The following ALK variants were observed in gnomAD, a reference collection of about 807,000 sequenced individuals.
The protein encoded by ALK is ALK receptor tyrosine kinase.
ALK carries 74 observed loss-of-function variants against 163.1 expected under a neutral mutation model. The ratio of observed to expected loss-of-function variants is 0.45; its 90% CI spans 0.38 to 0.55. The LOEUF is 0.55. ALK is among the 20% of genes least tolerant of loss of function. ALK has a pLI of 0.00. For missense variants in ALK, 2,063 were observed against 2,105.3 expected, an observed-to-expected ratio of 0.98 and a Z score of 0.39; for synonymous variants, 960 against 843.2, an observed-to-expected ratio of 1.14 and a Z score of -2.40.
intron 3 of ALK, among the ~76,000 whole-genome samples, chr2:29,634,836 GAATA>G (rs1676477105): frequency 1.3e-5 from 2 of 152,008 alleles, no homozygotes; most frequent in African/African-American, 4.8e-5. Flanking sequence ...TATCAGAAAG[GAATA>G]AATAAAACTG....
intron 4 of ALK, among the ~76,000 whole-genome samples, chr2:29,517,072 C>T (rs1441188293): frequency 6.6e-6 from 1 of 152,192 alleles, no homozygotes; most frequent in African/African-American, 2.4e-5. Context: ...CTCTTTTGGA[C>T]TTTGGGGACC....
At chr2:29,388,560 C>T (rs148761301) in intron 4 of ALK, among the ~76,000 whole-genome samples, 5 of 152,330 alleles carry the variant, frequency 3.3e-5, no homozygotes, top group Non-Finnish European at 5.9e-5. Flanking sequence ...TCCAGTTTCC[C>T]TATTTTTAAG....
At chr2:29,226,071 T>A (rs1663976314) in intron 18 of ALK, among the ~76,000 whole-genome samples, 1 of 151,912 alleles carries the variant, frequency 6.6e-6, no homozygotes, top group Non-Finnish European at 1.5e-5. Context: ...GGGACATCGA[T>A]AGTGGAACAC....
At chr2:29,666,490 C>A (rs959064848) in intron 3 of ALK, among the ~76,000 whole-genome samples, 4 of 152,034 alleles carry the variant, frequency 2.6e-5, no homozygotes, top group African/African-American at 9.7e-5. Context: ...CATTCTAGAC[C>A]AGTACTCATT....
intron 3 of ALK, among the ~76,000 whole-genome samples, chr2:29,652,808 G>C (rs1430873191): frequency 1.3e-5 from 2 of 152,154 alleles, no homozygotes; most frequent in African/African-American, 4.8e-5. Context: ...CACACCCAGA[G>C]AGGGCATGGG....
intron 1 of ALK, among the ~76,000 whole-genome samples, chr2:29,871,746 A>C (rs915831665): frequency 5.3e-5 from 8 of 152,216 alleles, no homozygotes; most frequent in African/African-American, 1.9e-4. Flanking sequence ...TTTATTTTAC[A>C]TAGGAGAAAA....
chr2:29,336,321 C>A (rs1394882702), intron 5 of ALK, among the ~76,000 whole-genome samples: 3 of 152,162 alleles, frequency 2.0e-5, no homozygotes, highest in African/African-American at 7.2e-5. Context: ...TTAATGCTGG[C>A]TGTTGTTAAT....
chr2:29,539,636 T>C (rs1320712728), intron 3 of ALK, among the ~76,000 whole-genome samples: 1 of 136,224 alleles, frequency 7.3e-6, no homozygotes, highest in Non-Finnish European at 1.6e-5. Flanking sequence ...TTCGACTAGG[T>C]AAAAAAAGTT....
intron 4 of ALK, among the ~76,000 whole-genome samples, chr2:29,394,746 C>A (rs1669263324): frequency 6.6e-6 from 1 of 152,166 alleles, no homozygotes; most frequent in Admixed American, 6.5e-5. Context: ...GGCACATCAC[C>A]CACCAGCAGC....
At chr2:29,906,134 G>A (rs368591537) in intron 1 of ALK, among the ~76,000 whole-genome samples, 12 of 150,038 alleles carry the variant, frequency 8.0e-5, no homozygotes, top group Non-Finnish European at 1.6e-4. Context: ...AGGGCGTGTG[G>A]GGCAGGGGGG....
In ALK at chr2:29,717,582, T is replaced by A. The variant is rs777698508; in HGVS notation, c.783A>T (p.Arg261=). 4 of 1,613,826 alleles carry A rather than the reference T, an allele frequency of 2.5e-6. No homozygotes were observed. The East Asian group carries it at 8.9e-5, about 36-fold the overall frequency. ...DSFPFLSHRS[R]YGLECSFDFP... ...AAATATTAAACATATACTTACCATATCGGCTGCGATGAGACAGGAAAGGGA... is the reference window on the plus strand; with the variant it reads ...AAATATTAAACATATACTTACCATAACGGCTGCGATGAGACAGGAAAGGGA... Residue 261 remains arginine, a synonymous_variant, in exon 2 of 29, where the codon CGA becomes CGT. Transcript: ENST00000389048.
intron 3 of ALK, among the ~76,000 whole-genome samples, chr2:29,621,365 G>A (rs1329359712): frequency 6.6e-6 from 1 of 152,166 alleles, no homozygotes; most frequent in Non-Finnish European, 1.5e-5. Flanking sequence ...AGAAAAGTAG[G>A]CAACCTTGAA....
chr2:29,604,858 C>T (rs531507837), intron 3 of ALK, among the ~76,000 whole-genome samples: 1 of 152,228 alleles, frequency 6.6e-6, no homozygotes, highest in South Asian at 2.1e-4. Flanking sequence ...CTGCTCAAAC[C>T]AGAGCTATAC....
chr2:29,523,347 C>A (rs902649575), intron 4 of ALK, among the ~76,000 whole-genome samples: 12 of 152,186 alleles, frequency 7.9e-5, no homozygotes, highest in Non-Finnish European at 1.8e-4. Context: ...ACCCATTACA[C>A]CCCTTTCCTT....
At chr2:29,428,955 A>C (rs1452109316) in intron 4 of ALK, among the ~76,000 whole-genome samples, 1 of 152,070 alleles carries the variant, frequency 6.6e-6, no homozygotes, top group East Asian at 1.9e-4. Flanking sequence ...TTAATATGCA[A>C]AAATCAATGG....
At chr2:29,268,996 A>G (rs1289581435) in intron 11 of ALK, among the ~76,000 whole-genome samples, 1 of 152,188 alleles carries the variant, frequency 6.6e-6, no homozygotes, top group African/African-American at 2.4e-5. Flanking sequence ...TCTAAGCACC[A>G]TTTTTTGATG....
chr2:29,761,583 G>A (rs551015125), intron 1 of ALK, among the ~76,000 whole-genome samples: 2 of 152,220 alleles, frequency 1.3e-5, no homozygotes, highest in Non-Finnish European at 2.9e-5. Context: ...GATTGGAAAT[G>A]TTCAGTGGAA....
chr2:29,842,827 AC>A (rs1665734054), intron 1 of ALK, among the ~76,000 whole-genome samples: 1 of 152,174 alleles, frequency 6.6e-6, no homozygotes, highest in African/African-American at 2.4e-5. Context: ...ACCTGGTTCC[AC>A]CAACATTCCT....
intron 3 of ALK, among the ~76,000 whole-genome samples, chr2:29,689,331 G>A (rs1678327224): frequency 6.6e-6 from 1 of 152,192 alleles, no homozygotes. Flanking sequence ...CAGTGACTGT[G>A]GGTGCAAAGG....
Sources: gnomAD v4.1 joint callset for allele counts (sites outside exome capture counted in the v4.1 genomes callset) on GRCh38, gnomAD v4.1.1 for gene constraint, MANE v1.5 for transcripts, NCBI Gene and HGNC (gene_info 2026-07-23, HGNC 2026-07-21) for gene names.